Variants in TUSC3 observed in about 807,000 individuals in gnomAD.
TUSC3 encodes dolichyl-diphosphooligosaccharide--protein glycosyltransferase subunit TUSC3.
Under a neutral mutation model 44.8 loss-of-function variants are expected in TUSC3, and 45 were observed. The observed-to-expected ratio is 1.00, with a 90% CI of 0.79 to 1.29. The LOEUF (loss-of-function observed/expected upper bound fraction) is 1.29, where lower values mean the gene tolerates loss of function less well. Among genes scored for constraint, TUSC3 ranks in the 50% most tolerant of loss-of-function variants. The probability of loss-of-function intolerance (pLI) is 0.00; values close to 1 mark genes in which losing one functional copy is unlikely to be tolerated. For missense variants in TUSC3, 519 were observed against 437.9 expected (o/e 1.19, Z -1.65); for synonymous variants, 212 against 152.9 (o/e 1.39, Z -2.85).
intron 6 of TUSC3, among the ~76,000 whole-genome samples, chr8:15,678,628 T>G (rs1166398535): frequency 2.6e-5 from 4 of 152,232 alleles, no homozygotes; most frequent in Non-Finnish European, 5.9e-5. Context: ...ATTTTGTCTT[T>G]ATTTCACATT....
chr8:15,655,512 C>T (rs909973358), intron 3 of TUSC3, among the ~76,000 whole-genome samples: 2 of 152,212 alleles, frequency 1.3e-5, no homozygotes, highest in African/African-American at 2.4e-5. Flanking sequence ...GTGTATGAAA[C>T]TCCAAGTCAA....
chr8:15,625,395 A>C (rs1273310652), intron 2 of TUSC3, among the ~76,000 whole-genome samples: 1 of 152,068 alleles, frequency 6.6e-6, no homozygotes, highest in African/African-American at 2.4e-5. Context: ...AATTTTTGGG[A>C]AATATTGTAT....
At chr8:15,832,142 A>C in the TUSC3 span, among the ~76,000 whole-genome samples, 1 of 152,198 alleles carries the variant, frequency 6.6e-6, no homozygotes, top group Non-Finnish European at 1.5e-5. Context: ...CCAGCACTGA[A>C]CATTCTTAAA....
chr8:15,801,553 TTG>T, the TUSC3 span, among the ~76,000 whole-genome samples: 1 of 152,312 alleles, frequency 6.6e-6, no homozygotes, highest in South Asian at 2.1e-4. Context: ...TTTTTGTATC[TTG>T]TGTTTTTTCG....
In TUSC3 at chr8:15,741,173, A is replaced by G. The variant is rs534303236; in HGVS notation, c.863-2365A>G. On this transcript the variant is annotated intron_variant, in intron 7 of 10. Coordinates refer to ENST00000503731, the MANE Select transcript of TUSC3 (RefSeq NM_006765.4). ...CATGTTTGTGTACATGTGCATTTAT[A>G]TGTGTATAAAATTTGACCCTAAGAA... Among the ~76,000 whole-genome samples, 7 of 152,232 alleles carry G rather than the reference A, an allele frequency of 4.6e-5. No individual in the cohort carries two copies. In the East Asian group the frequency reaches 1.2e-3, roughly 25 times the overall value.
chr8:15,591,792 G>A (rs1438216863), intron 1 of TUSC3, among the ~76,000 whole-genome samples: 1 of 152,158 alleles, frequency 6.6e-6, no homozygotes, highest in African/African-American at 2.4e-5. Flanking sequence ...GATTGGAGTG[G>A]TAGGCAGAGG....
At chr8:15,475,658 C>A (rs1211199579) in intron 1 of TUSC3, among the ~76,000 whole-genome samples, 2 of 152,016 alleles carry the variant, frequency 1.3e-5, no homozygotes, top group East Asian at 3.9e-4. Context: ...ATTACAGTAG[C>A]TGTTTTTTAC....
the TUSC3 span, among the ~76,000 whole-genome samples, chr8:15,778,250 C>A: frequency 6.6e-6 from 1 of 152,242 alleles, no homozygotes; most frequent in South Asian, 2.1e-4. Context: ...ATTCTGAAAA[C>A]TGCAATTCAT....
At chr8:15,524,951 G>T (rs1214147479) in intron 2 of TUSC3, among the ~76,000 whole-genome samples, 1 of 152,178 alleles carries the variant, frequency 6.6e-6, no homozygotes, top group Non-Finnish European at 1.5e-5. Flanking sequence ...CTAAAAGGGG[G>T]CCTCTGGCCT....
At chr8:15,755,208 A>C (rs1811872922) in intron 9 of TUSC3, among the ~76,000 whole-genome samples, 1 of 152,092 alleles carries the variant, frequency 6.6e-6, no homozygotes, top group African/African-American at 2.4e-5. Context: ...CAAGTTACTT[A>C]ACTTTTGTCA....
At position 15,570,553 on chromosome 8, in the gene TUSC3, G is replaced by A. The variant is rs1298633582; in HGVS notation, c.138+29985G>A. On this transcript the variant is annotated intron_variant, in intron 1 of 10. Coordinates refer to ENST00000503731, the MANE Select transcript of TUSC3 (RefSeq NM_006765.4). ...TTGGATTTAATTAAGCGGATGCTAC[G>A]ATTTATATTTTGTTGTTACATTTCA... Among the ~76,000 whole-genome samples, 7 of 152,074 alleles carry A rather than the reference G, an allele frequency of 4.6e-5. 1 individual carries two copies. Among genetic ancestry groups the A allele is most frequent in the African/African-American group, 7.2e-5 (3 of 41,410 alleles).
chr8:15,561,408 G>T (rs1356238060), intron 1 of TUSC3, among the ~76,000 whole-genome samples: 1 of 139,540 alleles, frequency 7.2e-6, no homozygotes, highest in African/African-American at 2.7e-5. Context: ...TCTCTTAAAA[G>T]CTGTCAGACA....
chr8:15,772,951 C>T, the TUSC3 span, among the ~76,000 whole-genome samples: 1 of 152,320 alleles, frequency 6.6e-6, no homozygotes, highest in East Asian at 1.9e-4. Context: ...AGATCTAATA[C>T]CCATCCATCA....
At chr8:15,475,208 G>T (rs1800559392) in intron 1 of TUSC3, among the ~76,000 whole-genome samples, 1 of 149,142 alleles carries the variant, frequency 6.7e-6, no homozygotes, top group South Asian at 2.1e-4. Context: ...AGGTATATAT[G>T]GTTATTAAAT....
intron 2 of TUSC3, among the ~76,000 whole-genome samples, chr8:15,495,811 C>A (rs1800873200): frequency 6.6e-6 from 1 of 152,116 alleles, no homozygotes; most frequent in Non-Finnish European, 1.5e-5. Flanking sequence ...GGAGAAATTG[C>A]ACTCAGACTT....
intron 1 of TUSC3, among the ~76,000 whole-genome samples, chr8:15,419,680 A>G (rs1799714138): frequency 6.6e-6 from 1 of 152,212 alleles, no homozygotes; most frequent in Non-Finnish European, 1.5e-5. Context: ...AATTTAACTG[A>G]GAGTTTTAGA....
chr8:15,450,830 G>A (rs1800188444), intron 1 of TUSC3, among the ~76,000 whole-genome samples: 1 of 152,070 alleles, frequency 6.6e-6, no homozygotes. Flanking sequence ...TTATTAAAAG[G>A]GGAATTCATA....
chr8:15,692,465 C>G (rs1347618055), intron 6 of TUSC3, among the ~76,000 whole-genome samples: 2 of 138,066 alleles, frequency 1.4e-5, no homozygotes, highest in Non-Finnish European at 3.0e-5. Flanking sequence ...GGCTTTGAAT[C>G]CAGCTGGTCC....
the TUSC3 span, among the ~76,000 whole-genome samples, chr8:15,798,649 T>TGTGGG: frequency 2.0e-5 from 3 of 147,156 alleles, no homozygotes; most frequent in African/African-American, 8.0e-5. Flanking sequence ...CCTGGGTGTG[T>TGTGGG]GGGGGGGGTC....
Sources: gnomAD v4.1 joint callset for allele counts (sites outside exome capture counted in the v4.1 genomes callset) on GRCh38, gnomAD v4.1.1 for gene constraint, MANE v1.5 for transcripts, NCBI Gene and HGNC (gene_info 2026-07-23, HGNC 2026-07-21) for gene names.